Variants in POLR3B observed in about 807,000 individuals in gnomAD.
POLR3B encodes the protein DNA-directed RNA polymerase III subunit RPC2.
In POLR3B, 96 loss-of-function variants were observed where a neutral mutation model predicts 147.4. That is an observed-to-expected ratio of 0.65 (90% CI 0.55 to 0.77). The LOEUF (loss-of-function observed/expected upper bound fraction) is 0.77. POLR3B is among the 30% of genes least tolerant of loss of function. The probability of loss-of-function intolerance (pLI) is 0.00; values close to 1 mark genes in which losing one functional copy is unlikely to be tolerated. For synonymous variants in POLR3B, 461 were observed against 485.9 expected (o/e 0.95, Z 0.67); for missense variants, 1,036 against 1,413.5 (o/e 0.73, Z 4.28).
chr12:106,483,154 T>C (rs889165578), intron 23 of POLR3B, among the ~76,000 whole-genome samples: 1 of 152,208 alleles, frequency 6.6e-6, no homozygotes, highest in Non-Finnish European at 1.5e-5. Context: ...TATGAAAAGT[T>C]GTCCCTCTGT....
At chr12:106,376,215 G>A (rs2036676392) in intron 6 of POLR3B, 144 bp from the exon 7 acceptor site, 3 of 678,890 alleles carry the variant, frequency 4.4e-6, no homozygotes, top group Non-Finnish European at 8.0e-6. Flanking sequence ...TGGCTTCCAT[G>A]TAATTGCTAT....
At position 106,437,750 on chromosome 12, in the gene POLR3B, C is replaced by T; in HGVS notation, c.1926C>T (p.Asn642=). 1 of 1,596,438 alleles carries T rather than the reference C, an allele frequency of 6.3e-7. No individual in the cohort carries two copies. Among genetic ancestry groups the T allele is most frequent in the Admixed American group, 1.7e-5 (1 of 59,992 alleles). ...ATGTGAATGAAGAAAATGATTGTAACATTGCACTGTACGAACACACAATTA... is the reference window on the plus strand; with the variant it reads ...ATGTGAATGAAGAAAATGATTGTAATATTGCACTGTACGAACACACAATTA... ...YLDVNEENDC[N]IALYEHTINK... Residue 642 remains asparagine, a synonymous_variant, in exon 18 of 28, where the codon AAC becomes AAT. Transcript: ENST00000228347.
At chr12:106,461,566 CTT>C (rs2137034728) in intron 22 of POLR3B, among the ~76,000 whole-genome samples, 1 of 152,296 alleles carries the variant, frequency 6.6e-6, no homozygotes, top group East Asian at 1.9e-4. Flanking sequence ...CAGACAGACT[CTT>C]TGATCGGAAT....
intron 1 of POLR3B, among the ~76,000 whole-genome samples, chr12:106,358,736 A>C (rs1210881290): frequency 6.6e-6 from 1 of 152,234 alleles, no homozygotes; most frequent in African/African-American, 2.4e-5. Context: ...GATGTTTTTG[A>C]GGAAGGAAAG....
chr12:106,431,951 C>G (rs1265233636), intron 14 of POLR3B, among the ~76,000 whole-genome samples: 1 of 152,088 alleles, frequency 6.6e-6, no homozygotes, highest in Non-Finnish European at 1.5e-5. Context: ...TAATGTTTTC[C>G]TTTACTTATT....
chr12:106,463,021 G>T (rs904167463), intron 22 of POLR3B, among the ~76,000 whole-genome samples: 7 of 152,020 alleles, frequency 4.6e-5, no homozygotes, highest in African/African-American at 1.7e-4. Flanking sequence ...GTGTCCGAAG[G>T]CTACCAGGAT....
At position 106,404,274 on chromosome 12, in the gene POLR3B, G is replaced by A. The variant is rs575898290; in HGVS notation, c.847-1583G>A. Among the ~76,000 whole-genome samples, 27 of 152,064 alleles carry A rather than the reference G, an allele frequency of 1.8e-4. No individual in the cohort carries two copies. In the South Asian group the frequency reaches 5.2e-3, roughly 29 times the overall value. On this transcript the variant is annotated intron_variant, in intron 10 of 27. Transcript: ENST00000228347. ...CCCGGCTAATCTTTTTGTATTTTTA[G>A]TAGAGACGGAGTTTCGCCATGTTGG...
intron 19 of POLR3B, among the ~76,000 whole-genome samples, chr12:106,448,637 A>G (rs1343149142): frequency 6.6e-6 from 1 of 151,298 alleles, no homozygotes; most frequent in African/African-American, 2.4e-5. Context: ...ACAGGGTTTC[A>G]CCATGTTGGC....
At chr12:106,436,994 T>C (rs1482459686) in intron 16 of POLR3B, 63 bp from the exon 17 acceptor site, 2 of 1,271,762 alleles carry the variant, frequency 1.6e-6, no homozygotes, top group African/African-American at 2.9e-5. Flanking sequence ...TTTGGTAAAC[T>C]AACTTGCCTG....
chr12:106,492,045 A>G (rs890892023), intron 23 of POLR3B, among the ~76,000 whole-genome samples: 5 of 152,150 alleles, frequency 3.3e-5, no homozygotes, highest in Admixed American at 3.3e-4. Context: ...CATCAAAAAC[A>G]TCTCTTGAAT....
chr12:106,379,968 T>C (rs2036736828), intron 8 of POLR3B, 63 bp from the exon 9 acceptor site: 1 of 882,156 alleles, frequency 1.1e-6, no homozygotes, highest in Non-Finnish European at 1.9e-6. Flanking sequence ...ATTGCTATTA[T>C]TGCATGTTAC....
rs1300932427 is a variant in POLR3B at position 106,378,228 on chromosome 12, G to A, written c.497-39G>A. On this transcript the variant is annotated intron_variant, in intron 7 of 27. Transcript: ENST00000228347. The stretch of plus-strand genomic sequence containing the variant: ...CCATTACTAAATCAACACTGGTTGA[G>A]GAATAAATGATGAAGTTTTTCTTGT... The A allele has an allele frequency of 9.8e-6, 12 of 1,223,888 alleles. No individual in the cohort carries two copies. In the East Asian group the frequency reaches 2.5e-4, roughly 26 times the overall value. 75.8% of individuals were successfully genotyped at this position (1,223,888 alleles called of 1,614,324 possible). A position where few individuals can be genotyped will look rare whatever the true frequency, so the allele number is the denominator to read the frequency against.
At chr12:106,480,477 G>C (rs545065424) in intron 23 of POLR3B, among the ~76,000 whole-genome samples, 8 of 152,264 alleles carry the variant, frequency 5.3e-5, no homozygotes, top group African/African-American at 1.7e-4. Flanking sequence ...TGACCTCCAG[G>C]AGTCAGGCAG....
rs542458653 is a variant in POLR3B, at chr12:106,374,274, T to C, written c.405-2085T>C. Among the ~76,000 whole-genome samples, 3 of 152,270 alleles carry C rather than the reference T, an allele frequency of 2.0e-5. No individual in the cohort carries two copies. In the South Asian group the frequency reaches 6.2e-4, roughly 32 times the overall value. On this transcript the variant is annotated intron_variant, in intron 6 of 27. Transcript: ENST00000228347. ...CTCTGTCACCCAGGCCAGAGTGCAA[T>C]GGTACACTCATGGCTCACTGCAGCC...
rs1411655650 is a variant in POLR3B, at chr12:106,401,851, T to C, written c.847-4006T>C. The stretch of plus-strand genomic sequence containing the variant: ...CTATCTATGACAAACCCACAGCCAA[T>C]ATCATACTGAATGGGCAAAAACTGG... On this transcript the variant is annotated intron_variant, in intron 10 of 27. Coordinates refer to ENST00000228347, the MANE Select transcript of POLR3B (RefSeq NM_018082.6). Among the ~76,000 whole-genome samples, 8 of 152,152 alleles carry C rather than the reference T, an allele frequency of 5.3e-5. No homozygotes were observed. The South Asian group carries it at 1.7e-3, about 32-fold the overall frequency.
chr12:106,453,669 C>G (rs2037828405), intron 19 of POLR3B, among the ~76,000 whole-genome samples: 1 of 152,090 alleles, frequency 6.6e-6, no homozygotes, highest in South Asian at 2.1e-4. Context: ...GTCCACAAGC[C>G]GAGGAGACTG....
Position 106,430,594 on chromosome 12 carries a change from C to T in POLR3B, c.1464+121C>T, listed in dbSNP as rs548186581. 161 of 759,664 alleles carry T rather than the reference C, an allele frequency of 2.1e-4. No individual in the cohort carries two copies. The African/African-American group carries it at 2.5e-3, about 12-fold the overall frequency. 47.1% of individuals were successfully genotyped at this position (759,664 alleles called of 1,614,324 possible). ...AGGCCATATCCTTTCTTTGGTCTGTCATTTATCTGGCAAATAAATATTGAC... is the reference window on the plus strand; with the variant it reads ...AGGCCATATCCTTTCTTTGGTCTGTTATTTATCTGGCAAATAAATATTGAC... On this transcript the variant is annotated intron_variant, in intron 14 of 27. Coordinates refer to ENST00000228347, the MANE Select transcript of POLR3B (RefSeq NM_018082.6).
rs373346251 is a variant in POLR3B at position 106,501,356 on chromosome 12, C to T, written c.3018C>T (p.Pro1006=). 16 of 1,613,258 alleles carry T rather than the reference C, an allele frequency of 9.9e-6. No individual in the cohort carries two copies. Among genetic ancestry groups the T allele is most frequent in the African/African-American group, 4.0e-5 (3 of 74,894 alleles). Residue 1006 remains proline, a synonymous_variant, in exon 26 of 28, where the codon CCC becomes CCT. Transcript: ENST00000228347. The stretch of plus-strand genomic sequence containing the variant: ...TAGAAGCATACATCTATTTTGGCCC[C>T]GTGTACTATCAGAAGCTGAAACACA... ...EPLEAYIYFG[P]VYYQKLKHMV...
intron 13 of POLR3B, among the ~76,000 whole-genome samples, chr12:106,428,155 C>T (rs2037461354): frequency 6.6e-6 from 1 of 152,154 alleles, no homozygotes; most frequent in African/African-American, 2.4e-5. Context: ...TATTTAGGCA[C>T]ATAAACTCTA....
Sources: allele counts gnomAD v4.1 joint callset (sites outside exome capture counted in the v4.1 genomes callset), GRCh38; gene constraint gnomAD v4.1.1; transcripts MANE v1.5; gene names NCBI Gene and HGNC (gene_info 2026-07-23, HGNC 2026-07-21).